RPGRIP1: variants seen among roughly 807,000 people sequenced by gnomAD.
The protein encoded by RPGRIP1 is RPGR interacting protein 1.
A neutral mutation model predicts 157.9 loss-of-function variants in RPGRIP1; 128 were observed. That is an observed-to-expected ratio of 0.81 (90% CI 0.70 to 0.94). The LOEUF (loss-of-function observed/expected upper bound fraction) is 0.94, where lower values mean the gene tolerates loss of function less well. Among genes scored for constraint, RPGRIP1 ranks in the 40% least tolerant of loss-of-function variants. The pLI is 0.00. For missense variants in RPGRIP1, 1,486 were observed against 1,545.8 expected, an observed-to-expected ratio of 0.96 and a Z score of 0.65; for synonymous variants, 554 against 571.6, an observed-to-expected ratio of 0.97 and a Z score of 0.44.
intron 3 of RPGRIP1, 113 bp downstream of exon 3, chr14:21,294,922 G>C: frequency 1.2e-6 from 1 of 814,452 alleles, no homozygotes; most frequent in Non-Finnish European, 1.7e-6. Flanking sequence ...TTGGCTCACT[G>C]CAACCTCCGC....
At chr14:21,350,551 G>A (rs1228181127) in intron 24 of RPGRIP1, among the ~76,000 whole-genome samples, 1 of 152,086 alleles carries the variant, frequency 6.6e-6, no homozygotes, top group Admixed American at 6.5e-5. Flanking sequence ...AAGTTCAAAT[G>A]TTAGATAAGA....
chr14:21,351,270 T>A lies in RPGRIP1; in HGVS notation c.*54T>A. 1 of 1,130,266 alleles carries A rather than the reference T, an allele frequency of 8.8e-7. No homozygotes were observed. Among genetic ancestry groups the A allele is most frequent in the Admixed American group, 2.0e-5 (1 of 49,684 alleles). The allele number at this position is 1,130,266 out of a possible 1,614,324, so 70.0% of individuals were successfully genotyped here. Reference sequence around the variant, plus strand: ...TCTCTGAGGGAACCATAGTAAAAAGTCTCTTATAAAGTTAGCTTGCTATAA... The same window carrying A: ...TCTCTGAGGGAACCATAGTAAAAAGACTCTTATAAAGTTAGCTTGCTATAA... On this transcript the variant is annotated 3_prime_UTR_variant, in exon 25 of 25. Transcript: ENST00000400017.
intron 13 of RPGRIP1, chr14:21,321,612 C>A: frequency 8.8e-7 from 1 of 1,141,834 alleles, no homozygotes; most frequent in Non-Finnish European, 1.2e-6. Context: ...ATGGGGCCAG[C>A]CCATGCCAAT....
chr14:21,337,308 G>T (rs1045229278), intron 21 of RPGRIP1, among the ~76,000 whole-genome samples: 1 of 152,080 alleles, frequency 6.6e-6, no homozygotes, highest in Non-Finnish European at 1.5e-5. Context: ...ATCTGATACT[G>T]ATGTGGCAAG....
Position 21,317,834 on chromosome 14 carries a change from G to A in RPGRIP1, c.1290G>A (p.Glu430=), listed in dbSNP as rs1881927011. The change falls in exon 11 of 25, where the codon GAG becomes GAA. Residue 430 remains glutamate (E), a synonymous_variant. Transcript: ENST00000400017. ...ELEDKRKVLL[E]LSREKAQNED... The stretch of plus-strand genomic sequence containing the variant: ...AGGACAAGAGAAAAGTTTTACTTGA[G>A]CTGTCCAGGGAGAAAGGTAGGCTGG... The A allele has an allele frequency of 6.2e-7, 1 of 1,606,386 alleles. No homozygotes were observed. The highest frequency in any genetic ancestry group is 8.5e-7 in the Non-Finnish European group (1 of 1,176,454).
At chr14:21,342,093 G>A (rs1885073787) in intron 21 of RPGRIP1, among the ~76,000 whole-genome samples, 1 of 151,860 alleles carries the variant, frequency 6.6e-6, no homozygotes, top group Non-Finnish European at 1.5e-5. Context: ...AGGGCAGGGT[G>A]GTCTGGTGGC....
intron 7 of RPGRIP1, among the ~76,000 whole-genome samples, chr14:21,308,163 C>T (rs1426650592): frequency 1.3e-5 from 2 of 152,170 alleles, no homozygotes; most frequent in Non-Finnish European, 2.9e-5. Context: ...AAGCCAAAAG[C>T]AGTCACAGGG....
intron 20 of RPGRIP1, among the ~76,000 whole-genome samples, chr14:21,331,544 A>G (rs1883794613): frequency 6.6e-6 from 1 of 151,990 alleles, no homozygotes; most frequent in Non-Finnish European, 1.5e-5. Flanking sequence ...AAAAAACAGG[A>G]CAGTGTTTGT....
intron 4 of RPGRIP1, 143 bp downstream of exon 4, chr14:21,301,380 A>C: frequency 3.3e-6 from 3 of 916,926 alleles, no homozygotes; most frequent in Non-Finnish European, 4.9e-6. Flanking sequence ...CCTCCCTAAA[A>C]TCTTTATTTC....
intron 6 of RPGRIP1, among the ~76,000 whole-genome samples, chr14:21,306,798 C>G (rs1181698356): frequency 6.6e-6 from 1 of 150,678 alleles, no homozygotes; most frequent in Non-Finnish European, 1.5e-5. Context: ...TTTTTTGAGA[C>G]AGTCTCACTC....
chr14:21,345,387 G>GTTATTTAT (rs139819474), intron 23 of RPGRIP1, among the ~76,000 whole-genome samples, 190 bp downstream of exon 23: 2,878 of 150,832 alleles, frequency 0.019, 92 homozygotes, highest in African/African-American at 0.062. Flanking sequence ...AATCTTATAG[G>GTTATTTAT]TTATTTATTT....
At chr14:21,304,088 G>A (rs2139161759) in intron 6 of RPGRIP1, among the ~76,000 whole-genome samples, 1 of 151,868 alleles carries the variant, frequency 6.6e-6, no homozygotes, top group Middle Eastern at 3.4e-3. Flanking sequence ...CAAGGCAGGT[G>A]GATCACCTGA....
chr14:21,282,605 A>ATT lies in RPGRIP1; in HGVS notation c.-39+2467_-39+2468dup, dbSNP rs35939351. ...TAAACCCTTTTAGAATCTACATTCC[A>ATT]TTTTTTTTTTTTTTTTTTTTTTGAG... On this transcript the variant is annotated intron_variant, in intron 1 of 24. Coordinates refer to ENST00000400017, the MANE Select transcript of RPGRIP1 (RefSeq NM_020366.4). 6.3e-3 allele frequency among the ~76,000 whole-genome samples: 652 copies of ATT among 103,224 alleles called. 14 individuals carry two copies. Among genetic ancestry groups the ATT allele is most frequent in the African/African-American group, 0.016 (417 of 25,516 alleles). 67.7% of individuals were successfully genotyped at this position (103,224 alleles called of 152,430 possible). A position where few individuals can be genotyped will look rare whatever the true frequency, so the allele number is the denominator to read the frequency against.
chr14:21,303,299 C>T (rs749187899), intron 5 of RPGRIP1, 32 bp from the exon 6 acceptor site: 111 of 1,522,490 alleles, frequency 7.3e-5, no homozygotes, highest in Middle Eastern at 1.7e-4. Context: ...ACTCCTGTAA[C>T]AACAGTTTCT....
chr14:21,285,018 A>G (rs1291035188), intron 1 of RPGRIP1, among the ~76,000 whole-genome samples: 1 of 150,226 alleles, frequency 6.7e-6, no homozygotes, highest in Non-Finnish European at 1.5e-5. Context: ...CTATGTGCCA[A>G]TAACTGTTCG....
rs1566356428 is a variant in RPGRIP1, at chr14:21,334,714, A to G, written c.3339+9A>G. ...AGAAATATCCTAAGGCAGTAAGTAC[A>G]CTGGAGTAATCATTGCATACGAGAT... On this transcript the variant is annotated intron_variant, in intron 21 of 24. Coordinates refer to ENST00000400017, the MANE Select transcript of RPGRIP1 (RefSeq NM_020366.4). 5 of 1,512,636 alleles carry G rather than the reference A, an allele frequency of 3.3e-6. No individual in the cohort carries two copies. In the South Asian group the frequency reaches 4.6e-5, roughly 14 times the overall value. 93.7% of individuals were successfully genotyped at this position (1,512,636 alleles called of 1,614,324 possible).
chr14:21,343,677 A>G (rs548979084), intron 22 of RPGRIP1, among the ~76,000 whole-genome samples: 1 of 151,826 alleles, frequency 6.6e-6, no homozygotes, highest in African/African-American at 2.4e-5. Context: ...TTTTTAGTAG[A>G]GGCGGGGTTT....
At position 21,334,657 on chromosome 14, in the gene RPGRIP1, C is replaced by T. The variant is rs979101838; in HGVS notation, c.3291C>T (p.Asp1097=). ...GSEVSEAQTT[D]SDDVIVPPMS... ...AAGTCAGTGAAGCACAAACTACCGACAGTGATGATGTCATAGTGCCACCCA... is the reference window on the plus strand; with the variant it reads ...AAGTCAGTGAAGCACAAACTACCGATAGTGATGATGTCATAGTGCCACCCA... Residue 1097 remains aspartate (D), a synonymous_variant, in exon 21 of 25, where the codon GAC becomes GAT. Coordinates refer to ENST00000400017, the MANE Select transcript of RPGRIP1 (RefSeq NM_020366.4). 1 of 1,609,408 alleles carries T rather than the reference C, an allele frequency of 6.2e-7. No individual in the cohort carries two copies. The highest frequency in any genetic ancestry group is 1.7e-5 in the Admixed American group (1 of 59,230).
intron 11 of RPGRIP1, among the ~76,000 whole-genome samples, chr14:21,318,598 C>G (rs138032931): frequency 0.016 from 2,511 of 152,184 alleles, 32 homozygotes; most frequent in Non-Finnish European, 0.028. Flanking sequence ...GCCTCAGCCT[C>G]CCGAGTTGCT....
Sources: allele counts gnomAD v4.1 joint callset (sites outside exome capture counted in the v4.1 genomes callset), GRCh38; gene constraint gnomAD v4.1.1; transcripts MANE v1.5; gene names NCBI Gene and HGNC (gene_info 2026-07-23, HGNC 2026-07-21).